RHOBTB1: variants seen among roughly 807,000 people sequenced by gnomAD.
RHOBTB1 encodes the protein rho-related BTB domain-containing protein 1.
In RHOBTB1, 40 loss-of-function variants were observed where a neutral mutation model predicts 71.6. The ratio of observed to expected loss-of-function variants is 0.56; its 90% confidence interval spans 0.43 to 0.73. The LOEUF (loss-of-function observed/expected upper bound fraction) is 0.73. RHOBTB1 is among the 30% of genes least tolerant of loss of function. The probability of loss-of-function intolerance (pLI) is 0.00; values close to 1 mark genes in which losing one functional copy is unlikely to be tolerated. For missense variants in RHOBTB1, 797 were observed against 894.0 expected (o/e 0.89, Z 1.38); for synonymous variants, 319 against 334.9 (o/e 0.95, Z 0.52).
At position 60,888,903 on chromosome 10, in the gene RHOBTB1, T is replaced by G. The variant is rs2081758051; in HGVS notation, c.765A>C (p.Glu255Asp). ...GAGGATTGTCCAGTAAACAGGCAGC[T>G]TCATTTGTCCCCATGGAAGGACACT... ...IPECPSMGTN[E>D]AACLLDNPLC... Residue 255 changes from glutamate (E) to aspartate (D), a missense_variant, in exon 6 of 11, where the codon GAA (glutamate) becomes GAC (aspartate). Physicochemically the swap from Glu to Asp is conservative, Grantham distance 45. Around this residue, in one of 2 missense-constraint regions of RHOBTB1, gnomAD observed 658 missense variants for 681.5 expected, o/e 0.97. Coordinates refer to ENST00000337910, the MANE Select transcript of RHOBTB1 (RefSeq NM_014836.5). 1 of 1,614,060 alleles carries G rather than the reference T, an allele frequency of 6.2e-7. No homozygotes were observed. The highest frequency in any genetic ancestry group is 1.3e-5 in the African/African-American group (1 of 74,924).
intron 2 of RHOBTB1, among the ~76,000 whole-genome samples, chr10:60,917,633 C>A (rs73263902): frequency 0.012 from 1,880 of 152,258 alleles, 40 homozygotes; most frequent in African/African-American, 0.042. Context: ...CATCATGGGG[C>A]TCCACCCTCA....
intron 1 of RHOBTB1, among the ~76,000 whole-genome samples, chr10:60,987,265 T>G (rs554243770): frequency 6.6e-6 from 1 of 152,300 alleles, no homozygotes; most frequent in South Asian, 2.1e-4. Context: ...CTGCCTTCCC[T>G]TAAACGTGGG....
intron 2 of RHOBTB1, among the ~76,000 whole-genome samples, chr10:60,922,380 A>G (rs1452238994): frequency 6.6e-6 from 1 of 152,184 alleles, no homozygotes; most frequent in Non-Finnish European, 1.5e-5. Context: ...ACCCTCCTTT[A>G]CCATCATCTC....
At chr10:60,959,286 G>A (rs905545315) in intron 2 of RHOBTB1, among the ~76,000 whole-genome samples, 4 of 152,248 alleles carry the variant, frequency 2.6e-5, no homozygotes, top group Non-Finnish European at 4.4e-5. Context: ...CTTGCTCTTG[G>A]AAAACGGACC....
intron 2 of RHOBTB1, among the ~76,000 whole-genome samples, chr10:60,979,699 A>G (rs2086430237): frequency 6.6e-6 from 1 of 152,184 alleles, no homozygotes; most frequent in South Asian, 2.1e-4. Context: ...ACAACGAGTG[A>G]ATTACATCAT....
At chr10:60,993,166 A>G (rs2086927646) in intron 1 of RHOBTB1, among the ~76,000 whole-genome samples, 1 of 152,064 alleles carries the variant, frequency 6.6e-6, no homozygotes, top group South Asian at 2.1e-4. Context: ...GAGAAAACCC[A>G]TTGTCTTCAT....
chr10:60,909,458 A>G (rs2082855551), intron 4 of RHOBTB1, among the ~76,000 whole-genome samples: 1 of 152,180 alleles, frequency 6.6e-6, no homozygotes, highest in African/African-American at 2.4e-5. Flanking sequence ...CATCATTTTC[A>G]TGACACTGTT....
chr10:60,897,776 G>A (rs1021970132), intron 4 of RHOBTB1, among the ~76,000 whole-genome samples: 6 of 151,878 alleles, frequency 4.0e-5, no homozygotes, highest in East Asian at 3.9e-4. Context: ...GCTCAATCTC[G>A]GCTCACTGCA....
chr10:60,934,941 T>C (rs1355844019), intron 2 of RHOBTB1, among the ~76,000 whole-genome samples: 1 of 152,058 alleles, frequency 6.6e-6, no homozygotes, highest in African/African-American at 2.4e-5. Context: ...ATATGAGACA[T>C]AGAGAGGAGG....
chr10:60,976,110 A>G (rs1445865413), intron 2 of RHOBTB1, among the ~76,000 whole-genome samples: 1 of 151,994 alleles, frequency 6.6e-6, no homozygotes, highest in African/African-American at 2.4e-5. Flanking sequence ...TATAAATGGG[A>G]ATAATAAATG....
intron 2 of RHOBTB1, among the ~76,000 whole-genome samples, chr10:60,957,476 G>C (rs1023543330): frequency 6.6e-6 from 1 of 152,106 alleles, no homozygotes; most frequent in Non-Finnish European, 1.5e-5. Flanking sequence ...TCATTATATG[G>C]TGCAGGACTG....
At chr10:60,984,493 G>T (rs2086599970) in intron 2 of RHOBTB1, among the ~76,000 whole-genome samples, 3 of 152,174 alleles carry the variant, frequency 2.0e-5, no homozygotes, top group African/African-American at 7.2e-5. Context: ...CGTAGGGCTT[G>T]AGAATTTGAA....
intron 7 of RHOBTB1, among the ~76,000 whole-genome samples, chr10:60,882,171 A>G (rs2081356078): frequency 6.6e-6 from 1 of 151,500 alleles, no homozygotes; most frequent in African/African-American, 2.4e-5. Context: ...AAAAATTTCT[A>G]TCCTACCTGC....
chr10:60,962,646 C>T (rs1487598625), intron 2 of RHOBTB1, among the ~76,000 whole-genome samples: 1 of 152,004 alleles, frequency 6.6e-6, no homozygotes. Context: ...AGAAGTTTTC[C>T]ATTTAAGAAG....
chr10:60,920,701 G>A (rs2083511306), intron 2 of RHOBTB1, among the ~76,000 whole-genome samples: 1 of 151,564 alleles, frequency 6.6e-6, no homozygotes, highest in Admixed American at 6.6e-5. Flanking sequence ...CCAGGCTAGA[G>A]TGCAGTGGCA....
At chr10:60,862,200 TTTC>T in the RHOBTB1 span, among the ~76,000 whole-genome samples, 1 of 151,766 alleles carries the variant, frequency 6.6e-6, no homozygotes, top group Non-Finnish European at 1.5e-5. Flanking sequence ...CTTTTCTTTC[TTTC>T]TTTCTTTTTA....
chr10:60,894,097 C>G (rs1412956057), intron 4 of RHOBTB1, among the ~76,000 whole-genome samples: 2 of 152,110 alleles, frequency 1.3e-5, no homozygotes, highest in African/African-American at 2.4e-5. Flanking sequence ...ATCAAAACAC[C>G]TTCCTTTTAA....
intron 2 of RHOBTB1, among the ~76,000 whole-genome samples, chr10:60,973,653 C>T (rs1201869270): frequency 6.6e-6 from 1 of 151,936 alleles, no homozygotes; most frequent in African/African-American, 2.4e-5. Flanking sequence ...CTAGGAGAAA[C>T]CTGGTGGCCT....
chr10:60,866,651 C>T (rs2132114558), downstream of RHOBTB1, among the ~76,000 whole-genome samples: 1 of 152,106 alleles, frequency 6.6e-6, no homozygotes, highest in Non-Finnish European at 1.5e-5. Flanking sequence ...GTGGTTCAGC[C>T]AAGCTCAGCC....
Sources: allele counts gnomAD v4.1 joint callset (sites outside exome capture counted in the v4.1 genomes callset), GRCh38; gene constraint gnomAD v4.1.1; regional missense constraint gnomAD v4.1.1; transcripts MANE v1.5; gene names NCBI Gene and HGNC (gene_info 2026-07-23, HGNC 2026-07-21).